The following SYTL2 variants were observed in gnomAD, a reference collection of about 807,000 sequenced individuals.
SYTL2 encodes synaptotagmin-like protein 2.
Under a neutral mutation model 198.7 loss-of-function variants are expected in SYTL2, and 165 were observed. The observed-to-expected ratio is 0.83, with a 90% CI of 0.73 to 0.94. The LOEUF is 0.94. Among genes scored for constraint, SYTL2 ranks in the 40% least tolerant of loss-of-function variants. The pLI is 0.00. For missense variants in SYTL2, 2,835 were observed against 2,582.8 expected (o/e 1.10, Z -2.12); for synonymous variants, 966 against 917.7 (o/e 1.05, Z -0.95).
Position 85,725,121 on chromosome 11 carries a change from G to A in SYTL2, c.4237C>T (p.Pro1413Ser), listed in dbSNP as rs760470600. 1.2e-6 allele frequency: 2 copies of A among 1,613,950 alleles called. No individual in the cohort carries two copies. Among genetic ancestry groups the A allele is most frequent in the African/African-American group, 1.3e-5 (1 of 74,918 alleles). The change falls in exon 8 of 20, where the codon CCT becomes TCT. Residue 1413 changes from proline (P) to serine (S), a missense_variant. Transcript: ENST00000359152. ...AVQPVCSPLN[P>S]PGVISPWATM... Reference sequence around the variant, plus strand: ...GCCCATGGTGATATCACTCCTGGAGGATTTAGGGGGCTACATACTGGCTGT... The same window carrying A: ...GCCCATGGTGATATCACTCCTGGAGAATTTAGGGGGCTACATACTGGCTGT...
At chr11:85,748,788 G>C (rs2091328297) in intron 2 of SYTL2, among the ~76,000 whole-genome samples, 1 of 152,166 alleles carries the variant, frequency 6.6e-6, no homozygotes, top group Non-Finnish European at 1.5e-5. Context: ...CCGTAAAAAA[G>C]CATTAGTAAT....
chr11:85,825,179 G>C, the SYTL2 span, among the ~76,000 whole-genome samples: 3 of 152,112 alleles, frequency 2.0e-5, no homozygotes, highest in Non-Finnish European at 2.9e-5. Context: ...ACGAGGTCAG[G>C]AGATCGAGAC....
intron 3 of SYTL2, among the ~76,000 whole-genome samples, chr11:85,746,991 G>A (rs1188594410): frequency 6.6e-6 from 1 of 152,152 alleles, no homozygotes; most frequent in Non-Finnish European, 1.5e-5. Context: ...AGAAATAATA[G>A]AAATTAAATG....
At chr11:85,797,227 CTAA>C (rs1395984841) in intron 1 of SYTL2, among the ~76,000 whole-genome samples, 4 of 152,184 alleles carry the variant, frequency 2.6e-5, no homozygotes, top group African/African-American at 9.7e-5. Context: ...GCTGTGGAAA[CTAA>C]TAATACTTCC....
intron 2 of SYTL2, 152 bp downstream of exon 2, chr11:85,757,473 G>T (rs2091932645): frequency 2.4e-6 from 2 of 832,490 alleles, no homozygotes; most frequent in Non-Finnish European, 3.8e-6. Flanking sequence ...GAGGAAAAAT[G>T]TTTTGTCCAG....
At position 85,725,839 on chromosome 11, in the gene SYTL2, T is replaced by A. The variant is rs1022726807; in HGVS notation, c.3519A>T (p.Gln1173His). 2 of 1,614,038 alleles carry A rather than the reference T, an allele frequency of 1.2e-6. No homozygotes were observed. Among genetic ancestry groups the A allele is most frequent in the Non-Finnish European group, 1.7e-6 (2 of 1,179,970 alleles). ...PSVSENRTWP[Q>H]KTDFADTEEE... ...CCTCAGTATCAGCAAAATCTGTTTT[T>A]TGAGGCCATGTCCTATTTTCAGAAA... The change falls in exon 8 of 20, where the codon CAA becomes CAT. Residue 1173 changes from glutamine to histidine, a missense_variant. Physicochemically the swap from Gln to His is conservative, Grantham distance 24. This residue lies in a region of SYTL2 where 2,645 missense variants were observed against 2,381.7 expected (regional missense o/e 1.11). Coordinates refer to ENST00000359152, the MANE Select transcript of SYTL2 (RefSeq NM_206927.4).
At chr11:85,760,082 G>A (rs988813670) in intron 1 of SYTL2, among the ~76,000 whole-genome samples, 23 of 152,178 alleles carry the variant, frequency 1.5e-4, no homozygotes, top group African/African-American at 5.5e-4. Context: ...AGCATAGGCT[G>A]TAAATGTGCT....
chr11:85,825,659 G>C, the SYTL2 span, among the ~76,000 whole-genome samples: 10 of 152,304 alleles, frequency 6.6e-5, 2 homozygotes, highest in African/African-American at 2.2e-4. Flanking sequence ...AACTGAGGCA[G>C]AAACACAACT....
Position 85,710,987 on chromosome 11 carries a change from T to C in SYTL2, c.5745+126A>G, listed in dbSNP as rs1007346788. 14 of 998,828 alleles carry C rather than the reference T, an allele frequency of 1.4e-5. No homozygotes were observed. The African/African-American group carries it at 1.8e-4, about 13-fold the overall frequency. 61.9% of individuals were successfully genotyped at this position (998,828 alleles called of 1,614,324 possible). On this transcript the variant is annotated intron_variant, in intron 13 of 19. Transcript: ENST00000359152. ...GATGTAGCTAGCCAGAAGCTAATTATGGATTAGAGAAACTGTTTGTGCCCT... is the reference window on the plus strand; with the variant it reads ...GATGTAGCTAGCCAGAAGCTAATTACGGATTAGAGAAACTGTTTGTGCCCT...
At chr11:85,753,324 C>A (rs1489214730) in intron 2 of SYTL2, among the ~76,000 whole-genome samples, 2 of 152,136 alleles carry the variant, frequency 1.3e-5, no homozygotes, top group African/African-American at 4.8e-5. Flanking sequence ...TGTGAAATGT[C>A]TCCACATGGG....
chr11:85,707,602 T>A, intron 14 of SYTL2, 71 bp from the exon 15 acceptor site: 3 of 975,232 alleles, frequency 3.1e-6, no homozygotes, highest in Non-Finnish European at 4.8e-6. Flanking sequence ...GTTTTTTAAA[T>A]ACATTGAAAA....
In SYTL2 at chr11:85,695,145, G is replaced by C. The variant is rs1236805017; in HGVS notation, c.*50C>G. On this transcript the variant is annotated 3_prime_UTR_variant, in exon 20 of 20. Coordinates refer to ENST00000359152, the MANE Select transcript of SYTL2 (RefSeq NM_206927.4). ...CCACCTACTCAGATTTTCAAGATCAGATTCCACCGGTTTAGTAGTTTTCAG... is the reference window on the plus strand; with the variant it reads ...CCACCTACTCAGATTTTCAAGATCACATTCCACCGGTTTAGTAGTTTTCAG... 1 of 1,562,366 alleles carries C rather than the reference G, an allele frequency of 6.4e-7. No individual in the cohort carries two copies. The highest frequency in any genetic ancestry group is 1.8e-5 in the Admixed American group (1 of 54,536).
the SYTL2 span, among the ~76,000 whole-genome samples, chr11:85,822,086 C>G: frequency 6.6e-6 from 1 of 152,184 alleles, no homozygotes; most frequent in Non-Finnish European, 1.5e-5. Context: ...TTACCACATC[C>G]CTGTAAGGCA....
In SYTL2 at chr11:85,725,369, T is replaced by C. The variant is rs1001711286; in HGVS notation, c.3989A>G (p.Asp1330Gly). The C allele has an allele frequency of 1.4e-5, 23 of 1,613,920 alleles. No homozygotes were observed. In the Admixed American group the frequency reaches 3.7e-4, roughly 26 times the overall value. The change falls in exon 8 of 20, where the codon GAT (aspartate) becomes GGT (glycine). Residue 1330 changes from aspartate (D) to glycine (G), a missense_variant. By Grantham distance (94) the Asp-to-Gly change is moderately conservative. Transcript: ENST00000359152. The stretch of plus-strand genomic sequence containing the variant: ...ATGAGCATCCTGGGGAAAAAGCATA[T>C]CTTGGGGAGGGCTGGCCACATCCCC... ...SFGDVASPPQ[D>G]MLFPQDAHLV...
intron 1 of SYTL2, among the ~76,000 whole-genome samples, chr11:85,803,687 C>A (rs188895662): frequency 1.3e-5 from 2 of 152,190 alleles, no homozygotes; most frequent in South Asian, 2.1e-4. Context: ...AGAACTCCCC[C>A]CAAAGAGGCA....
chr11:85,727,761 C>CTA lies in SYTL2; in HGVS notation c.1596_1597insTA (p.Asp533Ter). 1 of 1,564,288 alleles carries CTA rather than the reference C, an allele frequency of 6.4e-7. No homozygotes were observed. The highest frequency in any genetic ancestry group is 1.4e-5 in the African/African-American group (1 of 73,738). ...TGTTGGAGGAATGACTTATTGTCAT[C>CTA]TGAATAAGAACTTCGGTTAAACCAG... On this transcript the variant is annotated frameshift_variant, in exon 8 of 20. Transcript: ENST00000359152. LOFTEE classifies it high-confidence loss of function.
In SYTL2 at chr11:85,714,674, A is replaced by T; in HGVS notation, c.5531-167T>A. The T allele has an allele frequency of 2.2e-6, 3 of 1,348,568 alleles. No individual in the cohort carries two copies. The Admixed American group carries it at 9.5e-5, about 43-fold the overall frequency. 83.5% of individuals were successfully genotyped at this position (1,348,568 alleles called of 1,614,324 possible). A position where few individuals can be genotyped will look rare whatever the true frequency, so the allele number is the denominator to read the frequency against. On this transcript the variant is annotated intron_variant, in intron 11 of 19. Coordinates refer to ENST00000359152, the MANE Select transcript of SYTL2 (RefSeq NM_206927.4). ...CAGGATCATGAGATTAGCAACATGC[A>T]GTTTTTATAAATTATATAGAGAGAG...
In SYTL2 at chr11:85,720,827, GC is replaced by G. The variant is rs2088187387; in HGVS notation, c.5428+30del. ...ATAGGCATTTTTAAGCTTAGATGGG[GC>G]ATGAACAGTGAGGCGAACTTTATTC... On this transcript the variant is annotated intron_variant, in intron 9 of 19. Coordinates refer to ENST00000359152, the MANE Select transcript of SYTL2 (RefSeq NM_206927.4). 4.7e-6 allele frequency: 7 copies of G among 1,476,220 alleles called. No individual in the cohort carries two copies. In the East Asian group the frequency reaches 1.6e-4, roughly 33 times the overall value. 91.4% of individuals were successfully genotyped at this position (1,476,220 alleles called of 1,614,324 possible). A position where few individuals can be genotyped will look rare whatever the true frequency, so the allele number is the denominator to read the frequency against.
intron 12 of SYTL2, 103 bp downstream of exon 12, chr11:85,714,310 C>T (rs1699376188): frequency 6.6e-6 from 6 of 912,912 alleles, no homozygotes; most frequent in Non-Finnish European, 8.8e-6. Context: ...GTCCTTCTGA[C>T]CTCTTTGATC....
Sources: gnomAD v4.1 joint callset for allele counts (sites outside exome capture counted in the v4.1 genomes callset) on GRCh38, gnomAD v4.1.1 for gene constraint, gnomAD v4.1.1 regional missense constraint, MANE v1.5 for transcripts, NCBI Gene and HGNC (gene_info 2026-07-23, HGNC 2026-07-21) for gene names.